Variants in EYS observed in about 807,000 individuals in gnomAD.
EYS encodes protein eyes shut homolog.
A neutral mutation model predicts 282.1 loss-of-function variants in EYS; 250 were observed. The observed-to-expected ratio is 0.89, with a 90% CI of 0.80 to 0.98. EYS has a LOEUF of 0.98. Ranked by LOEUF, EYS falls within the 50% of genes least tolerant of loss-of-function variation. EYS has a pLI of 0.00. For missense variants in EYS, 4,016 were observed against 3,709.0 expected (o/e 1.08, Z -2.15); for synonymous variants, 1,355 against 1,282.9 (o/e 1.06, Z -1.20).
At chr6:64,261,916 T>C (rs1288609871) in intron 30 of EYS, among the ~76,000 whole-genome samples, 1 of 151,814 alleles carries the variant, frequency 6.6e-6, no homozygotes, top group African/African-American at 2.4e-5. Flanking sequence ...ACCACACGCA[T>C]GGCTAATTTT....
At chr6:64,011,201 GC>G (rs1346338229) in intron 33 of EYS, among the ~76,000 whole-genome samples, 4 of 151,970 alleles carry the variant, frequency 2.6e-5, no homozygotes, top group East Asian at 1.9e-4. Context: ...TTTTGAACTT[GC>G]CTTCATGTTT....
chr6:64,188,529 G>A (rs1211955709), intron 31 of EYS, among the ~76,000 whole-genome samples: 1 of 152,072 alleles, frequency 6.6e-6, no homozygotes, highest in Non-Finnish European at 1.5e-5. Context: ...CTGTTCATGT[G>A]AGATTCAAAT....
intron 36 of EYS, among the ~76,000 whole-genome samples, chr6:63,852,753 A>C (rs1772292302): frequency 6.6e-6 from 1 of 152,202 alleles, no homozygotes; most frequent in Admixed American, 6.5e-5. Flanking sequence ...AGCTAACTGA[A>C]TCCAGTAGCA....
chr6:64,117,772 G>A (rs889202075), intron 31 of EYS, among the ~76,000 whole-genome samples: 1 of 151,864 alleles, frequency 6.6e-6, no homozygotes, highest in Non-Finnish European at 1.5e-5. Context: ...GTCCCTGTTT[G>A]CAGATAACAT....
At chr6:65,121,323 C>G (rs1775543116) in intron 12 of EYS, among the ~76,000 whole-genome samples, 1 of 152,044 alleles carries the variant, frequency 6.6e-6, no homozygotes, top group Non-Finnish European at 1.5e-5. Flanking sequence ...AAAAAGGAGA[C>G]AAAGGAAGAG....
chr6:65,440,845 G>GTATA lies in EYS; in HGVS notation c.863-35482_863-35479dup, dbSNP rs137877406. 1.2e-3 allele frequency among the ~76,000 whole-genome samples: 171 copies of GTATA among 142,046 alleles called. 1 individual carries two copies. The highest frequency in any genetic ancestry group is 3.9e-3 in the African/African-American group (152 of 39,016). 93.2% of individuals were successfully genotyped at this position (142,046 alleles called of 152,430 possible). A position where few individuals can be genotyped will look rare whatever the true frequency, so the allele number is the denominator to read the frequency against. On this transcript the variant is annotated intron_variant, in intron 5 of 42. Transcript: ENST00000503581. ...TCCTTTGTGTAGAAAAAAAATATGT[G>GTATA]TATATATATATATATAGATTTATAT...
chr6:63,949,765 T>C (rs1765513125), intron 35 of EYS, among the ~76,000 whole-genome samples: 3 of 152,204 alleles, frequency 2.0e-5, no homozygotes, highest in Non-Finnish European at 1.5e-5. Flanking sequence ...AAATAACAAG[T>C]TGGATTCCTA....
intron 22 of EYS, among the ~76,000 whole-genome samples, chr6:64,681,608 T>C (rs1769897680): frequency 6.6e-6 from 1 of 152,110 alleles, no homozygotes; most frequent in Non-Finnish European, 1.5e-5. Flanking sequence ...TAAAAGTGAT[T>C]CACGGCCGGG....
At chr6:64,794,665 C>T (rs1412013475) in intron 22 of EYS, among the ~76,000 whole-genome samples, 4 of 152,124 alleles carry the variant, frequency 2.6e-5, no homozygotes, top group Non-Finnish European at 5.9e-5. Context: ...CAGTGTTCAT[C>T]AACAAATGAA....
chr6:64,761,532 A>G (rs1773157102), intron 22 of EYS, among the ~76,000 whole-genome samples: 1 of 152,102 alleles, frequency 6.6e-6, no homozygotes. Context: ...CCAGGCTGGA[A>G]TGCAACCTCT....
At chr6:65,022,864 G>A (rs1772290273) in intron 13 of EYS, among the ~76,000 whole-genome samples, 1 of 151,890 alleles carries the variant, frequency 6.6e-6, no homozygotes, top group Non-Finnish European at 1.5e-5. Context: ...AGAGAATATA[G>A]AGATATGTTG....
At chr6:64,843,679 A>G (rs367887525) in intron 19 of EYS, among the ~76,000 whole-genome samples, 1 of 152,258 alleles carries the variant, frequency 6.6e-6, no homozygotes, top group East Asian at 1.9e-4. Flanking sequence ...ACAGACTCAT[A>G]GGCAGAAGGG....
At chr6:64,556,931 G>A (rs535991497) in intron 26 of EYS, among the ~76,000 whole-genome samples, 226 of 151,944 alleles carry the variant, frequency 1.5e-3, no homozygotes, top group Non-Finnish European at 2.6e-3. Flanking sequence ...TTAACAAAGA[G>A]AGGTAATATT....
chr6:65,666,362 T>C (rs1768201001), intron 1 of EYS, among the ~76,000 whole-genome samples: 2 of 151,894 alleles, frequency 1.3e-5, no homozygotes, highest in African/African-American at 4.8e-5. Context: ...ATAATCTGTA[T>C]TGGCTCCCAT....
chr6:64,827,604 G>T (rs1765097131), intron 19 of EYS, among the ~76,000 whole-genome samples: 1 of 151,644 alleles, frequency 6.6e-6, no homozygotes, highest in South Asian at 2.1e-4. Context: ...GTTAATACAG[G>T]CATACAATAA....
At chr6:65,663,350 G>T (rs764153156) in intron 1 of EYS, among the ~76,000 whole-genome samples, 8 of 152,096 alleles carry the variant, frequency 5.3e-5, no homozygotes, top group Non-Finnish European at 1.2e-4. Flanking sequence ...CCATGAATTG[G>T]TATAGGACCA....
chr6:65,625,199 C>T (rs1247273746), intron 2 of EYS, among the ~76,000 whole-genome samples: 1 of 152,122 alleles, frequency 6.6e-6, no homozygotes, highest in Non-Finnish European at 1.5e-5. Context: ...TGAATTCTGC[C>T]AGCAATCTGA....
At chr6:65,088,577 A>G (rs1465796014) in intron 12 of EYS, among the ~76,000 whole-genome samples, 1 of 152,172 alleles carries the variant, frequency 6.6e-6, no homozygotes, top group Non-Finnish European at 1.5e-5. Flanking sequence ...GCAGCAAAGC[A>G]TTCAAGAGGA....
chr6:65,319,285 C>T (rs1188013925), intron 11 of EYS, among the ~76,000 whole-genome samples: 6 of 148,988 alleles, frequency 4.0e-5, no homozygotes, highest in African/African-American at 1.5e-4. Flanking sequence ...GAGGCGGAGG[C>T]AGGAGAATCT....
Sources: allele counts gnomAD v4.1 joint callset (sites outside exome capture counted in the v4.1 genomes callset), GRCh38; gene constraint gnomAD v4.1.1; transcripts MANE v1.5; gene names NCBI Gene and HGNC (gene_info 2026-07-23, HGNC 2026-07-21).